Variants in ZNF189 observed in about 807,000 individuals in gnomAD.
ZNF189 encodes the protein zinc finger protein 189.
ZNF189 carries 33 observed loss-of-function variants against 53.5 expected under a neutral mutation model. The ratio of observed to expected loss-of-function variants is 0.62; its 90% CI spans 0.47 to 0.82. The LOEUF (loss-of-function observed/expected upper bound fraction) is 0.82. ZNF189 is among the 40% of genes least tolerant of loss of function. The probability of loss-of-function intolerance (pLI) is 0.00; values close to 1 mark genes in which losing one functional copy is unlikely to be tolerated. For synonymous variants in ZNF189, 247 were observed against 238.8 expected, an observed-to-expected ratio of 1.03 and a Z score of -0.32; for missense variants, 711 against 753.9, an observed-to-expected ratio of 0.94 and a Z score of 0.67.
Position 101,408,944 on chromosome 9 carries a change from A to G in ZNF189, c.1176A>G (p.Arg392=), listed in dbSNP as rs1830828691. 4 of 1,613,910 alleles carry G rather than the reference A, an allele frequency of 2.5e-6. No homozygotes were observed. Among genetic ancestry groups the G allele is most frequent in the Non-Finnish European group, 3.4e-6 (4 of 1,180,012 alleles). ...SQLCNLTRHQ[R]IHTGDKPHKC... is the part of the protein sequence containing the mutation. Reference sequence around the variant, plus strand: ...TTTGCAACCTTACTCGTCATCAGAGAATTCACACAGGAGACAAGCCCCATA... The same window carrying G: ...TTTGCAACCTTACTCGTCATCAGAGGATTCACACAGGAGACAAGCCCCATA... Residue 392 remains arginine, a synonymous_variant, in exon 3 of 3, where the codon AGA becomes AGG. Coordinates refer to ENST00000339664, the MANE Select transcript of ZNF189 (RefSeq NM_003452.4).
At chr9:101,400,790 A>G (rs1830503997) in intron 2 of ZNF189, among the ~76,000 whole-genome samples, 1 of 152,198 alleles carries the variant, frequency 6.6e-6, no homozygotes, top group Non-Finnish European at 1.5e-5. Flanking sequence ...AAATCCCAAT[A>G]CCCTATTCTC....
rs1830798892 is a variant in ZNF189, at chr9:101,408,388, A to AT, written c.622dup (p.Tyr208LeufsTer7). On this transcript the variant is annotated frameshift_variant, in exon 3 of 3. Transcript: ENST00000339664. LOFTEE classifies it high-confidence loss of function. ...ACTGGGGAAAGGCCCTATGAGTGTA[A>AT]TTACTGTGGAAAAACCTTTAGTGTG... The AT allele has an allele frequency of 6.2e-7, 1 of 1,611,176 alleles. No individual in the cohort carries two copies. Among genetic ancestry groups the AT allele is most frequent in the African/African-American group, 1.4e-5 (1 of 73,948 alleles).
At chr9:101,404,339 T>C (rs1472570815) in intron 2 of ZNF189, among the ~76,000 whole-genome samples, 1 of 151,918 alleles carries the variant, frequency 6.6e-6, no homozygotes, top group Non-Finnish European at 1.5e-5. Context: ...TTCTAAACTT[T>C]AGATTTATTT....
intron 2 of ZNF189, among the ~76,000 whole-genome samples, chr9:101,407,088 G>C (rs188232036): frequency 1.3e-4 from 20 of 152,076 alleles, no homozygotes; most frequent in African/African-American, 4.3e-4. Context: ...TCTGCATCTC[G>C]ATATCATAGA....
In ZNF189 at chr9:101,398,852, G is replaced by C; in HGVS notation, c.-305G>C. Reference sequence around the variant, plus strand: ...ACGCCTTCTGGTCCGGGGGCGGGCGGTCATAGCGTTACTTGGCTGCAAGGA... The same window carrying C: ...ACGCCTTCTGGTCCGGGGGCGGGCGCTCATAGCGTTACTTGGCTGCAAGGA... On this transcript the variant is annotated 5_prime_UTR_variant, in exon 1 of 3. Coordinates refer to ENST00000339664, the MANE Select transcript of ZNF189 (RefSeq NM_003452.4). 1 of 591,298 alleles carries C rather than the reference G, an allele frequency of 1.7e-6. No homozygotes were observed. Among genetic ancestry groups the C allele is most frequent in the Non-Finnish European group, 3.0e-6 (1 of 332,678 alleles). 36.6% of individuals were successfully genotyped at this position (591,298 alleles called of 1,614,324 possible). A position where few individuals can be genotyped will look rare whatever the true frequency, so the allele number is the denominator to read the frequency against.
chr9:101,399,809 T>C (rs371304027), intron 1 of ZNF189, 75 bp from the exon 2 acceptor site: 2 of 1,600,726 alleles, frequency 1.2e-6, no homozygotes, highest in Non-Finnish European at 1.7e-6. Context: ...CAATAAGTGA[T>C]TGCCTCTGTC....
At chr9:101,404,342 A>G (rs1386658609) in intron 2 of ZNF189, among the ~76,000 whole-genome samples, 1 of 151,552 alleles carries the variant, frequency 6.6e-6, no homozygotes, top group African/African-American at 2.4e-5. Context: ...TAAACTTTAG[A>G]TTTATTTACT....
chr9:101,400,077 A>AT, intron 2 of ZNF189, 67 bp downstream of exon 2: 1 of 1,576,246 alleles, frequency 6.3e-7, no homozygotes, highest in Non-Finnish European at 8.6e-7. Flanking sequence ...CTAACAGAAC[A>AT]TTTGGACGGA....
At chr9:101,399,735 G>A in intron 1 of ZNF189, 149 bp from the exon 2 acceptor site, 3 of 1,347,160 alleles carry the variant, frequency 2.2e-6, no homozygotes, top group Non-Finnish European at 3.1e-6. Flanking sequence ...GTTACAGTTC[G>A]TTCCCAGAAT....
rs199743015 is a variant in ZNF189 at position 101,408,140 on chromosome 9, C to T, written c.372C>T (p.Thr124=). 17 of 1,613,840 alleles carry T rather than the reference C, an allele frequency of 1.1e-5. No homozygotes were observed. The highest frequency in any genetic ancestry group is 6.6e-5 in the South Asian group (6 of 91,032). The change falls in exon 3 of 3, where the codon ACC becomes ACT. Residue 124 remains threonine (T), a synonymous_variant. Transcript: ENST00000339664. ...FLWEIPRESL[T]QEQRMFRENT... Reference sequence around the variant, plus strand: ...GGGAAATACCAAGGGAATCTTTGACCCAGGAACAGAGAATGTTCAGAGAAA... The same window carrying T: ...GGGAAATACCAAGGGAATCTTTGACTCAGGAACAGAGAATGTTCAGAGAAA...
intron 2 of ZNF189, chr9:101,407,533 G>A (rs142623103): frequency 2.2e-4 from 89 of 403,790 alleles, no homozygotes; most frequent in African/African-American, 1.7e-3. Context: ...GGGACTACAG[G>A]TGTGTACCAC....
chr9:101,404,671 T>A (rs1337726157), intron 2 of ZNF189, among the ~76,000 whole-genome samples: 1 of 152,210 alleles, frequency 6.6e-6, no homozygotes, highest in Non-Finnish European at 1.5e-5. Flanking sequence ...CTTCCAGGAA[T>A]TTTAGGTATA....
chr9:101,409,259 ATT>A lies in ZNF189; in HGVS notation c.1493_1494del (p.Phe498SerfsTer3). ...GTGGGAAAAGCTTCAGCCGGAGCTC[ATT>A]TCTTATTGAACATCAGAGAATCCAC... The part of the protein sequence containing the change: ...VCGKSFSRSS[F>X]LIEHQRIHTG... On this transcript the variant is annotated frameshift_variant, in exon 3 of 3. Coordinates refer to ENST00000339664, the MANE Select transcript of ZNF189 (RefSeq NM_003452.4). LOFTEE classifies it high-confidence loss of function. 6.2e-7 allele frequency: 1 copy of A among 1,613,486 alleles called. No individual in the cohort carries two copies. Among genetic ancestry groups the A allele is most frequent in the East Asian group, 2.2e-5 (1 of 44,880 alleles).
intron 2 of ZNF189, among the ~76,000 whole-genome samples, 163 bp from the exon 3 acceptor site, chr9:101,407,766 T>C (rs1437716207): frequency 6.6e-6 from 1 of 152,172 alleles, no homozygotes; most frequent in Non-Finnish European, 1.5e-5. Flanking sequence ...ATCCTTAATT[T>C]TCTTGAACTT....
chr9:101,401,120 C>A (rs1372463215), intron 2 of ZNF189, among the ~76,000 whole-genome samples: 1 of 152,176 alleles, frequency 6.6e-6, no homozygotes. Flanking sequence ...TCTTTCCTAC[C>A]CAAATTGCTA....
At chr9:101,402,561 A>G (rs1005160271) in intron 2 of ZNF189, among the ~76,000 whole-genome samples, 3 of 152,218 alleles carry the variant, frequency 2.0e-5, no homozygotes, top group Non-Finnish European at 2.9e-5. Context: ...TCAATCCATT[A>G]AAATCAAGGG....
chr9:101,403,572 A>G (rs1208610714), intron 2 of ZNF189, among the ~76,000 whole-genome samples: 4 of 152,362 alleles, frequency 2.6e-5, no homozygotes, highest in Non-Finnish European at 1.5e-5. Context: ...TAATAGCTAC[A>G]TCGATGATAC....
At chr9:101,399,767 A>C in intron 1 of ZNF189, 117 bp from the exon 2 acceptor site, 1 of 1,495,934 alleles carries the variant, frequency 6.7e-7, no homozygotes, top group Non-Finnish European at 9.1e-7. Context: ...TGGAACTTTC[A>C]GTTATCATGT....
rs1830900618 is a variant in ZNF189, at chr9:101,410,428, T to C, written c.*779T>C. 6.6e-6 allele frequency: 1 copy of C among 152,580 alleles called. No individual in the cohort carries two copies. The highest frequency in any genetic ancestry group is 2.4e-5 in the African/African-American group (1 of 41,462). 9.5% of individuals were successfully genotyped at this position (152,580 alleles called of 1,614,324 possible). A position where few individuals can be genotyped will look rare whatever the true frequency, so the allele number is the denominator to read the frequency against. ...ATGAGCTTATCCCTCCACAACCAGG[T>C]GCATATGAAAGTGTACATATTATGA... On this transcript the variant is annotated 3_prime_UTR_variant, in exon 3 of 3. Transcript: ENST00000339664.
Sources: gnomAD v4.1 joint callset for allele counts (sites outside exome capture counted in the v4.1 genomes callset) on GRCh38, gnomAD v4.1.1 for gene constraint, MANE v1.5 for transcripts, NCBI Gene and HGNC (gene_info 2026-07-23, HGNC 2026-07-21) for gene names.